PIP4K2A: variants seen among roughly 807,000 people sequenced by gnomAD.
PIP4K2A encodes phosphatidylinositol 5-phosphate 4-kinase type-2 alpha.
PIP4K2A carries 14 observed loss-of-function variants against 42.9 expected under a neutral mutation model. The observed-to-expected ratio is 0.33, with a 90% CI of 0.22 to 0.51. The LOEUF (loss-of-function observed/expected upper bound fraction) is 0.51, where lower values mean the gene tolerates loss of function less well. Ranked by LOEUF, PIP4K2A falls within the 20% of genes least tolerant of loss-of-function variation. The probability of loss-of-function intolerance (pLI) is 0.97; values close to 1 mark genes in which losing one functional copy is unlikely to be tolerated. For missense variants in PIP4K2A, 434 were observed against 519.8 expected, an observed-to-expected ratio of 0.83 and a Z score of 1.61; for synonymous variants, 192 against 192.2, an observed-to-expected ratio of 1.00 and a Z score of 0.01.
At chr10:22,708,047 G>A (rs1236117317) in intron 1 of PIP4K2A, among the ~76,000 whole-genome samples, 3 of 152,128 alleles carry the variant, frequency 2.0e-5, no homozygotes, top group Non-Finnish European at 1.5e-5. Flanking sequence ...AGGAAAGAGG[G>A]AAACAAATCT....
intron 1 of PIP4K2A, among the ~76,000 whole-genome samples, chr10:22,623,143 G>A (rs541805830): frequency 2.0e-5 from 3 of 152,002 alleles, no homozygotes; most frequent in African/African-American, 4.8e-5. Flanking sequence ...ATAGAGATGC[G>A]TTTAATGTGC....
intron 1 of PIP4K2A, among the ~76,000 whole-genome samples, chr10:22,684,957 G>T (rs1354947890): frequency 1.3e-5 from 2 of 152,232 alleles, no homozygotes; most frequent in Middle Eastern, 3.4e-3. Context: ...GTAAAACAGG[G>T]TGCTAGTAAG....
chr10:22,537,573 G>A (rs1180163928), intron 9 of PIP4K2A, among the ~76,000 whole-genome samples: 1 of 152,148 alleles, frequency 6.6e-6, no homozygotes, highest in Non-Finnish European at 1.5e-5. Context: ...AACAGGCCAC[G>A]TTTGGGATGT....
chr10:22,591,808 G>A (rs762183080), intron 3 of PIP4K2A, 27 bp from the exon 4 acceptor site: 2 of 1,576,452 alleles, frequency 1.3e-6, no homozygotes, highest in South Asian at 1.2e-5. Flanking sequence ...AGAGGGGAAG[G>A]AAGGCGGGGG....
intron 1 of PIP4K2A, among the ~76,000 whole-genome samples, chr10:22,713,714 A>T (rs1432325290): frequency 6.6e-6 from 1 of 151,924 alleles, no homozygotes; most frequent in Non-Finnish European, 1.5e-5. Flanking sequence ...GCACGCGCCC[A>T]GCCCGGGACA....
At chr10:22,619,439 CT>C (rs746519034) in intron 1 of PIP4K2A, among the ~76,000 whole-genome samples, 7,975 of 137,320 alleles carry the variant, frequency 0.058, 238 homozygotes, top group Middle Eastern at 0.098. Flanking sequence ...TTTCTTTTTT[CT>C]TTTTTTTTTT....
Position 22,550,765 on chromosome 10 carries a change from T to A in PIP4K2A, c.686A>T (p.Glu229Val), listed in dbSNP as rs1836391687. 2 of 1,584,324 alleles carry A rather than the reference T, an allele frequency of 1.3e-6. No homozygotes were observed. The stretch of plus-strand genomic sequence containing the variant: ...ATCATTATCTTTCAGAGTTGGCAGT[T>A]CTTTGGCCTAAAACAAATGAGAAAA... ...REASDKEKAKELPTLKDNDFI... is the reference protein window; with the variant it reads ...REASDKEKAKVLPTLKDNDFI... Residue 229 changes from glutamate (E) to valine (V), a missense_variant, in exon 7 of 10, where the codon GAA (glutamate) becomes GTA (valine). This residue lies in a region of PIP4K2A where 395 missense variants were observed against 444.5 expected (regional missense o/e 0.89). Transcript: ENST00000376573.
At chr10:22,642,610 G>C in intron 1 of PIP4K2A, among the ~76,000 whole-genome samples, 1 of 30,054 alleles carries the variant, frequency 3.3e-5, no homozygotes, top group Non-Finnish European at 7.0e-5. Flanking sequence ...CAGTGTGTGT[G>C]TCTCTATATA....
At chr10:22,538,419 T>C (rs1835995226) in intron 9 of PIP4K2A, among the ~76,000 whole-genome samples, 1 of 151,024 alleles carries the variant, frequency 6.6e-6, no homozygotes, top group African/African-American at 2.4e-5. Context: ...ATGTATAATA[T>C]GGGAACAGAC....
chr10:22,542,249 A>C (rs1836140154), intron 7 of PIP4K2A, among the ~76,000 whole-genome samples: 1 of 151,674 alleles, frequency 6.6e-6, no homozygotes, highest in Non-Finnish European at 1.5e-5. Flanking sequence ...GCTGGCTCAG[A>C]GCTCAGGCTG....
intron 6 of PIP4K2A, among the ~76,000 whole-genome samples, chr10:22,552,109 C>G (rs1429736404): frequency 2.0e-5 from 3 of 152,158 alleles, no homozygotes; most frequent in African/African-American, 7.2e-5. Flanking sequence ...AAAGCAGGTA[C>G]AGCAAGGCCC....
intron 4 of PIP4K2A, among the ~76,000 whole-genome samples, chr10:22,580,928 T>C (rs1457897996): frequency 1.3e-5 from 2 of 152,090 alleles, no homozygotes; most frequent in African/African-American, 4.8e-5. Context: ...GGCTCCTTTG[T>C]AGAATGGATG....
chr10:22,686,988 C>T (rs1005934028), intron 1 of PIP4K2A, among the ~76,000 whole-genome samples: 1 of 152,176 alleles, frequency 6.6e-6, no homozygotes, highest in African/African-American at 2.4e-5. Context: ...TTACTTAGCA[C>T]ATACATGCTC....
chr10:22,652,869 G>A (rs183510808), intron 1 of PIP4K2A, among the ~76,000 whole-genome samples: 1 of 152,194 alleles, frequency 6.6e-6, no homozygotes, highest in Admixed American at 6.5e-5. Context: ...TGAGGCTTGA[G>A]GATCACTCGA....
intron 1 of PIP4K2A, among the ~76,000 whole-genome samples, chr10:22,618,285 ACT>A (rs1838224658): frequency 6.6e-6 from 1 of 152,164 alleles, no homozygotes; most frequent in Non-Finnish European, 1.5e-5. Flanking sequence ...TTCCTTTGTG[ACT>A]CTGTGGCTGA....
chr10:22,623,390 G>A (rs928523142), intron 1 of PIP4K2A, among the ~76,000 whole-genome samples: 1 of 152,142 alleles, frequency 6.6e-6, no homozygotes, highest in Non-Finnish European at 1.5e-5. Context: ...TAACTCAGGG[G>A]CAGACCGCAG....
intron 1 of PIP4K2A, among the ~76,000 whole-genome samples, chr10:22,611,815 C>A (rs903734877): frequency 6.6e-6 from 1 of 152,172 alleles, no homozygotes; most frequent in African/African-American, 2.4e-5. Context: ...AAACACAATG[C>A]GAATGAAGCT....
intron 1 of PIP4K2A, among the ~76,000 whole-genome samples, chr10:22,705,787 G>C (rs1833812878): frequency 6.6e-6 from 1 of 151,836 alleles, no homozygotes. Context: ...GCTTGGTTTT[G>C]CCCGCTGTCG....
At chr10:22,616,944 A>T (rs1838188914) in intron 1 of PIP4K2A, among the ~76,000 whole-genome samples, 1 of 152,270 alleles carries the variant, frequency 6.6e-6, no homozygotes, top group African/African-American at 2.4e-5. Context: ...AAGGATGTAA[A>T]ATCTACTTCT....
Sources: allele counts gnomAD v4.1 joint callset (sites outside exome capture counted in the v4.1 genomes callset), GRCh38; gene constraint gnomAD v4.1.1; regional missense constraint gnomAD v4.1.1; transcripts MANE v1.5; gene names NCBI Gene and HGNC (gene_info 2026-07-23, HGNC 2026-07-21).